The following MYO10 variants were observed in gnomAD, a reference collection of about 807,000 sequenced individuals.
MYO10 encodes unconventional myosin-X.
Under a neutral mutation model 257.3 loss-of-function variants are expected in MYO10, and 133 were observed. The ratio of observed to expected loss-of-function variants is 0.52; its 90% confidence interval spans 0.45 to 0.60. The LOEUF is 0.60. MYO10 is among the 20% of genes least tolerant of loss of function. The pLI is 0.00. For missense variants in MYO10, 2,399 were observed against 2,635.7 expected (o/e 0.91, Z 1.97); for synonymous variants, 1,104 against 1,028.6 (o/e 1.07, Z -1.40).
At chr5:16,864,507 C>G (rs1330212359) in intron 2 of MYO10, among the ~76,000 whole-genome samples, 2 of 152,112 alleles carry the variant, frequency 1.3e-5, no homozygotes, top group Non-Finnish European at 2.9e-5. Flanking sequence ...TCAGCTAGAG[C>G]CTGCATATTT....
At position 16,694,548 on chromosome 5, in the gene MYO10, C is replaced by A. The variant is rs939141866; in HGVS notation, c.3623G>T (p.Arg1208Leu). 6.2e-7 allele frequency: 1 copy of A among 1,613,846 alleles called. No homozygotes were observed. Among genetic ancestry groups the A allele is most frequent in the African/African-American group, 1.3e-5 (1 of 74,918 alleles). Residue 1208 changes from arginine to leucine, a missense_variant, in exon 27 of 41, where the codon CGC becomes CTC. This residue lies in a region of MYO10 where 1,820 missense variants were observed against 1,939.4 expected (regional missense o/e 0.94). Coordinates refer to ENST00000513610, the MANE Select transcript of MYO10 (RefSeq NM_012334.3). ...TTGCTTGAGGGCCTCCTGCTTGGAGCGGAACCACAAGAAGGTTTCATCCTT... is the reference window on the plus strand; with the variant it reads ...TTGCTTGAGGGCCTCCTGCTTGGAGAGGAACCACAAGAAGGTTTCATCCTT... ...VLKDETFLWF[R>L]SKQEALKQGW... is the part of the protein sequence containing the mutation.
At chr5:16,894,783 G>C (rs777720020) in intron 1 of MYO10, among the ~76,000 whole-genome samples, 2 of 152,154 alleles carry the variant, frequency 1.3e-5, no homozygotes, top group African/African-American at 4.8e-5. Context: ...TGGAGCCTGC[G>C]GTGTTGGAGG....
chr5:16,742,558 G>A (rs569438558), intron 19 of MYO10, among the ~76,000 whole-genome samples: 2 of 152,256 alleles, frequency 1.3e-5, no homozygotes, highest in African/African-American at 2.4e-5. Context: ...GGTGGCTCAC[G>A]CCTATAATCC....
intron 21 of MYO10, among the ~76,000 whole-genome samples, chr5:16,707,887 G>C (rs1443310357): frequency 6.6e-6 from 1 of 152,196 alleles, no homozygotes; most frequent in East Asian, 1.9e-4. Context: ...GTTCAGACCT[G>C]GAGCCATGTC....
intron 28 of MYO10, among the ~76,000 whole-genome samples, chr5:16,687,547 G>C (rs1282053225): frequency 6.6e-6 from 1 of 151,630 alleles, no homozygotes. Flanking sequence ...GTTTAAGGCA[G>C]AGGGGAAGTA....
chr5:16,744,055 G>A (rs1740101554), intron 19 of MYO10, among the ~76,000 whole-genome samples: 1 of 152,036 alleles, frequency 6.6e-6, no homozygotes, highest in African/African-American at 2.4e-5. Flanking sequence ...TGTCCATCCC[G>A]TGACAATGCC....
rs547722258 is a variant in MYO10, at chr5:16,792,536, C to T, written c.467+2110G>A. Among the ~76,000 whole-genome samples, 466 of 152,196 alleles carry T rather than the reference C, an allele frequency of 3.1e-3. 2 individuals are homozygous for T. Among genetic ancestry groups the T allele is most frequent in the Non-Finnish European group, 4.8e-3 (327 of 68,008 alleles). ...TGCCCCAGGGTTTCAGAGGGGCCTC[C>T]TCTGGCACCTCTGTCCTCCCCCAAC... On this transcript the variant is annotated intron_variant, in intron 4 of 40. Transcript: ENST00000513610.
chr5:16,855,723 CTG>C (rs1215830127), intron 2 of MYO10, among the ~76,000 whole-genome samples: 4 of 152,238 alleles, frequency 2.6e-5, no homozygotes, highest in African/African-American at 9.6e-5. Context: ...ATAAGAGTGA[CTG>C]TCTCTCAGCT....
chr5:16,775,952 G>C (rs1218391485), intron 9 of MYO10, among the ~76,000 whole-genome samples: 2 of 151,946 alleles, frequency 1.3e-5, no homozygotes, highest in Admixed American at 1.3e-4. Flanking sequence ...CTGGAGTGCA[G>C]TGACATAATC....
chr5:16,731,668 T>C (rs1739587066), intron 19 of MYO10, among the ~76,000 whole-genome samples: 5 of 152,228 alleles, frequency 3.3e-5, no homozygotes, highest in Admixed American at 3.3e-4. Flanking sequence ...TTCTTGATAT[T>C]GTCCAGCAAC....
intron 1 of MYO10, among the ~76,000 whole-genome samples, chr5:16,914,550 C>CTTTTGT (rs1346438592): frequency 2.0e-5 from 3 of 152,192 alleles, no homozygotes; most frequent in African/African-American, 7.2e-5. Flanking sequence ...GAGTCTACTA[C>CTTTTGT]TTTTGTTTTG....
chr5:16,689,742 TA>T, intron 28 of MYO10, 81 bp downstream of exon 28: 3 of 1,186,996 alleles, frequency 2.5e-6, no homozygotes, highest in Non-Finnish European at 3.7e-6. Context: ...GCCAGTACAG[TA>T]AACAGTGCTC....
At chr5:16,876,679 C>T (rs55784585) in intron 2 of MYO10, among the ~76,000 whole-genome samples, 3,921 of 152,218 alleles carry the variant, frequency 0.026, 163 homozygotes, top group African/African-American at 0.09. Flanking sequence ...CTCAGCCCCC[C>T]AATTAGCTGG....
intron 39 of MYO10, among the ~76,000 whole-genome samples, chr5:16,669,569 A>AT (rs1469119803): frequency 1.3e-5 from 2 of 152,196 alleles, no homozygotes; most frequent in African/African-American, 4.8e-5. Flanking sequence ...TTTAACTGCT[A>AT]TTATCTATTC....
chr5:16,868,844 C>T (rs1178481300), intron 2 of MYO10, among the ~76,000 whole-genome samples: 1 of 152,186 alleles, frequency 6.6e-6, no homozygotes, highest in Non-Finnish European at 1.5e-5. Flanking sequence ...CTTTGGTTCT[C>T]TGTATTCCTA....
At position 16,670,664 on chromosome 5, in the gene MYO10, T is replaced by C; in HGVS notation, c.5745A>G (p.Glu1915=). The C allele has an allele frequency of 6.2e-7, 1 of 1,614,022 alleles. No individual in the cohort carries two copies. Among genetic ancestry groups the C allele is most frequent in the South Asian group, 1.1e-5 (1 of 91,088 alleles). The change falls in exon 39 of 41, where the codon GAA becomes GAG. Residue 1915 remains glutamate (E), a synonymous_variant. Coordinates refer to ENST00000513610, the MANE Select transcript of MYO10 (RefSeq NM_012334.3). ...TACTGGCTCGAGCAGAGGAGACTTC[T>C]TCCTTAATCCACATGTCCAGCATCT... ...EEQMLDMWIK[E]EVSSARASII...
Position 16,777,835 on chromosome 5 carries a change from C to G in MYO10, c.930+1710G>C, listed in dbSNP as rs189259731. ...TGACGCCACCCTAGGTGCATTGCAT[C>G]TAACTTTTTTTTTTTTTTTTTTTTT... On this transcript the variant is annotated intron_variant, in intron 9 of 40. Transcript: ENST00000513610. 5.2e-4 allele frequency among the ~76,000 whole-genome samples: 64 copies of G among 123,154 alleles called. No individual in the cohort carries two copies. The Admixed American group carries it at 5.2e-3, about 10-fold the overall frequency. 80.8% of individuals were successfully genotyped at this position (123,154 alleles called of 152,430 possible).
intron 26 of MYO10, among the ~76,000 whole-genome samples, chr5:16,698,458 C>T (rs256929): frequency 0.39 from 59,457 of 151,776 alleles, 12,722 homozygotes; most frequent in African/African-American, 0.58. Context: ...GCAAAGTATA[C>T]TCAAATGTTA....
intron 39 of MYO10, among the ~76,000 whole-genome samples, chr5:16,669,076 A>G (rs1384696241): frequency 6.6e-6 from 1 of 152,112 alleles, no homozygotes; most frequent in East Asian, 1.9e-4. Context: ...ACCCCATATG[A>G]AGGGGCTAAC....
Sources: gnomAD v4.1 joint callset for allele counts (sites outside exome capture counted in the v4.1 genomes callset) on GRCh38, gnomAD v4.1.1 for gene constraint, gnomAD v4.1.1 regional missense constraint, MANE v1.5 for transcripts, NCBI Gene and HGNC (gene_info 2026-07-23, HGNC 2026-07-21) for gene names.